The following VPS33B variants were observed in gnomAD, a reference collection of about 807,000 sequenced individuals.
The protein encoded by VPS33B is vacuolar protein sorting-associated protein 33B.
In VPS33B, 80 loss-of-function variants were observed where a neutral mutation model predicts 95.3. That is an observed-to-expected ratio of 0.84 (90% confidence interval 0.70 to 1.01). The LOEUF (loss-of-function observed/expected upper bound fraction) is 1.01. VPS33B is among the 50% of genes least tolerant of loss of function. The pLI is 0.00. For missense variants in VPS33B, 715 were observed against 773.4 expected (o/e 0.92, Z 0.90); for synonymous variants, 280 against 280.4 (o/e 1.00, Z 0.01).
Position 91,007,439 on chromosome 15 carries a change from C to G in VPS33B, c.603+30G>C. The G allele has an allele frequency of 6.2e-7, 1 of 1,605,222 alleles. No individual in the cohort carries two copies. The highest frequency in any genetic ancestry group is 8.5e-7 in the Non-Finnish European group (1 of 1,171,852). On this transcript the variant is annotated intron_variant, in intron 8 of 22. Transcript: ENST00000333371. This position sits in a 1 kb window ranked among gnomAD's most constrained non-coding sequence, Gnocchi z 5.3. ...TACAGAACAGGGAAAACAGCGTCTG[C>G]TGGGACAACAGTACTGCTAGTGCTC... is the stretch of plus-strand genomic sequence containing the variant.
chr15:91,005,360 A>G lies in VPS33B; in HGVS notation c.1105+20T>C. 5 of 1,614,182 alleles carry G rather than the reference A, an allele frequency of 3.1e-6. No homozygotes were observed. Among genetic ancestry groups the G allele is most frequent in the African/African-American group, 1.3e-5 (1 of 75,036 alleles). On this transcript the variant is annotated intron_variant, in intron 14 of 22. Transcript: ENST00000333371. This position sits in a 1 kb window ranked among gnomAD's most constrained non-coding sequence, Gnocchi z 6.4. ...GAAGTAGAAGCGTGGGCAGTAGCAC[A>G]GCAAGGCTGCGGCAGTTACCATGCT...
In VPS33B at chr15:91,016,369, A is replaced by ATTC. The variant is rs775248307; in HGVS notation, c.239+591_239+593dup. On this transcript the variant is annotated intron_variant, in intron 3 of 22. Coordinates refer to ENST00000333371, the MANE Select transcript of VPS33B (RefSeq NM_018668.5). Reference sequence around the variant, plus strand: ...CAGCAAGTAATAAGAGGCCTTGCAGATTCTTCTTTTTTTTTTTTTTTTTTT... The same window carrying ATTC: ...CAGCAAGTAATAAGAGGCCTTGCAGATTCTTCTTCTTTTTTTTTTTTTTTTTTT... 5.2e-3 allele frequency among the ~76,000 whole-genome samples: 719 copies of ATTC among 138,788 alleles called. 6 individuals carry two copies. Among genetic ancestry groups the ATTC allele is most frequent in the South Asian group, 0.012 (53 of 4,252 alleles). 91.1% of individuals were successfully genotyped at this position (138,788 alleles called of 152,430 possible).
rs567788023 is a variant in VPS33B at position 91,009,314 on chromosome 15, C to T, written c.403+487G>A. Among the ~76,000 whole-genome samples, 8 of 150,598 alleles carry T rather than the reference C, an allele frequency of 5.3e-5. No individual in the cohort carries two copies. In the East Asian group the frequency reaches 1.6e-3, roughly 29 times the overall value. On this transcript the variant is annotated intron_variant, in intron 6 of 22. Coordinates refer to ENST00000333371, the MANE Select transcript of VPS33B (RefSeq NM_018668.5). The surrounding 1 kb of genome is among the most constrained non-coding windows in gnomAD (Gnocchi z 4.1). ...TCTTTCTCTCTCTCTTTCTTTCTTC[C>T]TTCCTTCCTTTCTCTGAGTCTCACT...
rs556095600 is a variant in VPS33B at position 91,006,784 on chromosome 15, G to A, written c.701-55C>T. ...TCTCCCTGACCCAGCCTTCTACACA[G>A]CATGTCCAAGGGCAGCTTTGATACT... On this transcript the variant is annotated intron_variant, in intron 9 of 22. Coordinates refer to ENST00000333371, the MANE Select transcript of VPS33B (RefSeq NM_018668.5). This position sits in a 1 kb window ranked among gnomAD's most constrained non-coding sequence, Gnocchi z 5.4. 570 of 1,605,986 alleles carry A rather than the reference G, an allele frequency of 3.5e-4. 12 individuals carry two copies. In the South Asian group the frequency reaches 5.6e-3, roughly 16 times the overall value.
intron 2 of VPS33B, among the ~76,000 whole-genome samples, 183 bp downstream of exon 2, chr15:91,017,622 C>T (rs552547058): frequency 6.0e-5 from 9 of 150,940 alleles, no homozygotes; most frequent in South Asian, 2.1e-4. Flanking sequence ...AGAGAGACTC[C>T]GTCTCCCGCC....
In VPS33B at chr15:91,002,681, A is replaced by C; in HGVS notation, c.1272+404T>G. ...AGAAATAATTAGCACCAAACAAAGA[A>C]GAATAAAAAGCAGCATGAGACTTTA... On this transcript the variant is annotated intron_variant, in intron 17 of 22. Coordinates refer to ENST00000333371, the MANE Select transcript of VPS33B (RefSeq NM_018668.5). This position sits in a 1 kb window ranked among gnomAD's most constrained non-coding sequence, Gnocchi z 4.7. 6.6e-6 allele frequency among the ~76,000 whole-genome samples: 1 copy of C among 151,998 alleles called. No homozygotes were observed. Among genetic ancestry groups the C allele is most frequent in the Non-Finnish European group, 1.5e-5 (1 of 67,992 alleles).
rs1229060833 is a variant in VPS33B at position 91,000,245 on chromosome 15, A to G, written c.1581+245T>C. 6.6e-6 allele frequency among the ~76,000 whole-genome samples: 1 copy of G among 152,110 alleles called. No homozygotes were observed. Among genetic ancestry groups the G allele is most frequent in the African/African-American group, 2.4e-5 (1 of 41,412 alleles). On this transcript the variant is annotated intron_variant, in intron 20 of 22. Coordinates refer to ENST00000333371, the MANE Select transcript of VPS33B (RefSeq NM_018668.5). This position sits in a 1 kb window ranked among gnomAD's most constrained non-coding sequence, Gnocchi z 4.9. Reference sequence around the variant, plus strand: ...AACCCCATCTCTACTAAAAATACAAAAATTAGCTGGGTGCAGTGGCACATG... The same window carrying G: ...AACCCCATCTCTACTAAAAATACAAGAATTAGCTGGGTGCAGTGGCACATG...
chr15:91,009,566 A>G lies in VPS33B; in HGVS notation c.403+235T>C, dbSNP rs952762349. On this transcript the variant is annotated intron_variant, in intron 6 of 22. Transcript: ENST00000333371. The surrounding 1 kb of genome is among the most constrained non-coding windows in gnomAD (Gnocchi z 4.1). ...AGGTGATCCACCCCCTCGGCCTCCC[A>G]AAGTGCTGGGATTACAGGCATGAGC... Among the ~76,000 whole-genome samples, 2 of 152,010 alleles carry G rather than the reference A, an allele frequency of 1.3e-5. No homozygotes were observed. Among genetic ancestry groups the G allele is most frequent in the Non-Finnish European group, 2.9e-5 (2 of 68,002 alleles).
Position 91,007,406 on chromosome 15 carries a change from C to T in VPS33B, c.603+63G>A, listed in dbSNP as rs2040642574. 1 of 1,501,916 alleles carries T rather than the reference C, an allele frequency of 6.7e-7. No individual in the cohort carries two copies. The highest frequency in any genetic ancestry group is 9.3e-7 in the Non-Finnish European group (1 of 1,078,124). 93.0% of individuals were successfully genotyped at this position (1,501,916 alleles called of 1,614,324 possible). ...TATCACAGGTGCCCTTGGATAACCCCAGGAGGGTACAGAACAGGGAAAACA... is the reference window on the plus strand; with the variant it reads ...TATCACAGGTGCCCTTGGATAACCCTAGGAGGGTACAGAACAGGGAAAACA... On this transcript the variant is annotated intron_variant, in intron 8 of 22. Coordinates refer to ENST00000333371, the MANE Select transcript of VPS33B (RefSeq NM_018668.5). This position sits in a 1 kb window ranked among gnomAD's most constrained non-coding sequence, Gnocchi z 5.3.
rs898454043 is a variant in VPS33B, at chr15:91,010,495, G to A, written c.358-649C>T. On this transcript the variant is annotated intron_variant, in intron 5 of 22. Transcript: ENST00000333371. The surrounding 1 kb of genome is among the most constrained non-coding windows in gnomAD (Gnocchi z 5.7). ...TGTGTGCCTGTAGTCCAGTTACTCAGGAGGCTGAGGTGGGAGGATCACTTG... is the reference window on the plus strand; with the variant it reads ...TGTGTGCCTGTAGTCCAGTTACTCAAGAGGCTGAGGTGGGAGGATCACTTG... Among the ~76,000 whole-genome samples the A allele has an allele frequency of 1.1e-4, 17 of 152,206 alleles. No homozygotes were observed. Among genetic ancestry groups the A allele is most frequent in the Non-Finnish European group, 2.4e-4 (16 of 68,032 alleles).
Position 91,006,033 on chromosome 15 carries a change from G to C in VPS33B, c.879C>G (p.His293Gln). 1.2e-6 allele frequency: 2 copies of C among 1,614,220 alleles called. No homozygotes were observed. Among genetic ancestry groups the C allele is most frequent in the Non-Finnish European group, 1.7e-6 (2 of 1,180,044 alleles). ...TCAAGAAGCCAAAGACATTGGAGAA[G>C]TGCTCGTTCCGAATCTCATTAAACA... ...DKVFNEIRNE[H>Q]FSNVFGFLSQ... Residue 293 changes from histidine (H) to glutamine (Q), a missense_variant, in exon 12 of 23, where the codon CAC becomes CAG. Physicochemically the swap from His to Gln is conservative, Grantham distance 24. Transcript: ENST00000333371. This position sits in a 1 kb window ranked among gnomAD's most constrained non-coding sequence, Gnocchi z 5.4.
chr15:91,002,305 TG>T lies in VPS33B; in HGVS notation c.1273-124del. 7.2e-7 allele frequency: 1 copy of T among 1,384,780 alleles called. No individual in the cohort carries two copies. The allele number at this position is 1,384,780 out of a possible 1,614,324, so 85.8% of individuals were successfully genotyped here. On this transcript the variant is annotated intron_variant, in intron 17 of 22. Transcript: ENST00000333371. This position sits in a 1 kb window ranked among gnomAD's most constrained non-coding sequence, Gnocchi z 4.7. ...CTGCAGTGTGAAGGAGCTCACACTT[TG>T]TTGAGATAAATTTTCACATCAGAAA... is the stretch of plus-strand genomic sequence containing the variant.
Position 91,001,370 on chromosome 15 carries a change from C to G in VPS33B, c.1479+19G>C, listed in dbSNP as rs766800007. ...GGAATGAACCCACTGTCTCCCCTAA[C>G]CATCCCTGTTCCACATACCAAATTC... On this transcript the variant is annotated intron_variant, in intron 19 of 22. Coordinates refer to ENST00000333371, the MANE Select transcript of VPS33B (RefSeq NM_018668.5). 5 of 1,593,826 alleles carry G rather than the reference C, an allele frequency of 3.1e-6. No homozygotes were observed. The Admixed American group carries it at 8.3e-5, about 27-fold the overall frequency.
rs2040392075 is a variant in VPS33B, at chr15:91,000,061, T to G, written c.1582-86A>C. ...GGCACAGCAGCCAGACTGTCACATT[T>G]CTTGCTCATTACTCAAGTAGCAAAA... On this transcript the variant is annotated intron_variant, in intron 20 of 22. Transcript: ENST00000333371. The surrounding 1 kb of genome is among the most constrained non-coding windows in gnomAD (Gnocchi z 4.9). 3.2e-6 allele frequency: 5 copies of G among 1,547,502 alleles called. No homozygotes were observed. The highest frequency in any genetic ancestry group is 3.6e-6 in the Non-Finnish European group (4 of 1,126,530).
rs1163267388 is a variant in VPS33B at position 91,002,595 on chromosome 15, A to G, written c.1273-413T>C. Among the ~76,000 whole-genome samples the G allele has an allele frequency of 6.6e-6, 1 of 150,622 alleles. No individual in the cohort carries two copies. Among genetic ancestry groups the G allele is most frequent in the Non-Finnish European group, 1.5e-5 (1 of 67,770 alleles). ...CAGTGAGTGGAGATCGCGCCACTGC[A>G]CTCTAGCTTGGGCAACAGAGCGAGA... On this transcript the variant is annotated intron_variant, in intron 17 of 22. Coordinates refer to ENST00000333371, the MANE Select transcript of VPS33B (RefSeq NM_018668.5). This position sits in a 1 kb window ranked among gnomAD's most constrained non-coding sequence, Gnocchi z 4.7.
At chr15:91,016,774 A>G (rs78644628) in intron 3 of VPS33B, among the ~76,000 whole-genome samples, 189 bp downstream of exon 3, 2,170 of 152,344 alleles carry the variant, frequency 0.014, 108 homozygotes, top group East Asian at 0.13. Context: ...TAGAGAGGGA[A>G]GAGGACAAGA....
intron 16 of VPS33B, 140 bp from the exon 17 acceptor site, chr15:91,003,271 G>A (rs1158533675): frequency 2.3e-6 from 2 of 855,452 alleles, no homozygotes; most frequent in African/African-American, 1.7e-5. Flanking sequence ...TATACATTTG[G>A]TTCTAAATTT....
Position 91,007,099 on chromosome 15 carries a change from C to T in VPS33B, c.604-53G>A. 6.3e-7 allele frequency: 1 copy of T among 1,588,702 alleles called. No individual in the cohort carries two copies. Among genetic ancestry groups the T allele is most frequent in the Non-Finnish European group, 8.6e-7 (1 of 1,168,050 alleles). On this transcript the variant is annotated intron_variant, in intron 8 of 22. Coordinates refer to ENST00000333371, the MANE Select transcript of VPS33B (RefSeq NM_018668.5). This position sits in a 1 kb window ranked among gnomAD's most constrained non-coding sequence, Gnocchi z 5.3. ...TTGTGTCCAGGTCCCTACTGCAGCC[C>T]CATACCTACAGAAGTCAGCCCTTTC...
chr15:91,017,370 ATAT>A (rs2040965107), intron 2 of VPS33B, among the ~76,000 whole-genome samples: 376 of 26,950 alleles, frequency 0.014, 84 homozygotes, highest in Middle Eastern at 0.056. Context: ...AAAATTAAAT[ATAT>A]ATATATATAT....
Sources: allele counts gnomAD v4.1 joint callset (sites outside exome capture counted in the v4.1 genomes callset), GRCh38; gene constraint gnomAD v4.1.1; non-coding constraint Gnocchi (gnomAD v3.1); transcripts MANE v1.5; gene names NCBI Gene and HGNC (gene_info 2026-07-23, HGNC 2026-07-21).